XRCC4: variants seen among roughly 807,000 people sequenced by gnomAD.
XRCC4 encodes the protein DNA repair protein XRCC4.
XRCC4 carries 28 observed loss-of-function variants against 39.1 expected under a neutral mutation model. That is an observed-to-expected ratio of 0.72 (90% CI 0.53 to 0.98). The LOEUF is 0.98. Among genes scored for constraint, XRCC4 ranks in the 50% least tolerant of loss-of-function variants. The pLI, the probability that XRCC4 is intolerant of heterozygous loss-of-function variation, is 0.00. For synonymous variants in XRCC4, 123 were observed against 126.4 expected, an observed-to-expected ratio of 0.97 and a Z score of 0.18; for missense variants, 350 against 376.4, an observed-to-expected ratio of 0.93 and a Z score of 0.58.
At chr5:83,173,880 C>T (rs1189187190) in intron 3 of XRCC4, among the ~76,000 whole-genome samples, 2 of 152,158 alleles carry the variant, frequency 1.3e-5, no homozygotes, top group African/African-American at 2.4e-5. Context: ...GAGTTTAGAA[C>T]AAGTCTCTTA....
intron 3 of XRCC4, among the ~76,000 whole-genome samples, chr5:83,165,977 CT>C (rs1204506393): frequency 1.3e-5 from 2 of 151,540 alleles, no homozygotes; most frequent in Non-Finnish European, 2.9e-5. Context: ...CCTCCACCCC[CT>C]GGGTCCAAAC....
chr5:83,145,858 CTT>C (rs35476083), intron 3 of XRCC4, among the ~76,000 whole-genome samples: 14 of 136,386 alleles, frequency 1.0e-4, no homozygotes, highest in African/African-American at 3.7e-4. Flanking sequence ...GCAGTCAGGT[CTT>C]TTTTTTTTTT....
At chr5:83,247,725 T>C (rs1176070315) in intron 6 of XRCC4, among the ~76,000 whole-genome samples, 1 of 152,164 alleles carries the variant, frequency 6.6e-6, no homozygotes, top group Non-Finnish European at 1.5e-5. Context: ...TATACTGTGG[T>C]ATTTATTAAA....
At chr5:83,171,930 G>A (rs371215451) in intron 3 of XRCC4, among the ~76,000 whole-genome samples, 17 of 152,162 alleles carry the variant, frequency 1.1e-4, no homozygotes, top group African/African-American at 4.1e-4. Flanking sequence ...TTTCACTGAC[G>A]TATTGATTTT....
intron 3 of XRCC4, among the ~76,000 whole-genome samples, chr5:83,159,585 A>G (rs910796444): frequency 6.6e-6 from 1 of 152,228 alleles, no homozygotes; most frequent in Admixed American, 6.5e-5. Context: ...GGGGCCTCAC[A>G]TGACCTTGTT....
intron 7 of XRCC4, among the ~76,000 whole-genome samples, chr5:83,349,305 G>T (rs919135182): frequency 1.3e-5 from 2 of 152,150 alleles, no homozygotes; most frequent in Non-Finnish European, 2.9e-5. Context: ...TTCAGGTGGG[G>T]ACACAAAGCC....
chr5:83,241,412 G>C (rs28360207), intron 6 of XRCC4, among the ~76,000 whole-genome samples: 10,945 of 152,134 alleles, frequency 0.072, 469 homozygotes, highest in South Asian at 0.18. Context: ...ATCTTTTTGT[G>C]TAATGAATAT....
chr5:83,276,574 A>T (rs541138164), intron 7 of XRCC4, among the ~76,000 whole-genome samples: 39 of 151,250 alleles, frequency 2.6e-4, no homozygotes, highest in African/African-American at 9.4e-4. Context: ...TGCCCTGAAC[A>T]ATCTCAGGAT....
intron 6 of XRCC4, among the ~76,000 whole-genome samples, chr5:83,230,650 A>T (rs1340135201): frequency 6.6e-6 from 1 of 152,002 alleles, no homozygotes; most frequent in African/African-American, 2.4e-5. Flanking sequence ...ATATTCAAAA[A>T]CAAGTTTTTA....
chr5:83,298,497 T>G (rs1025245380), intron 7 of XRCC4, among the ~76,000 whole-genome samples: 7 of 151,964 alleles, frequency 4.6e-5, no homozygotes, highest in Non-Finnish European at 8.8e-5. Context: ...TCTCATGTTT[T>G]TATCTCAGTC....
At chr5:83,122,395 G>A (rs768551992) in intron 3 of XRCC4, among the ~76,000 whole-genome samples, 2 of 151,982 alleles carry the variant, frequency 1.3e-5, no homozygotes, top group Non-Finnish European at 2.9e-5. Flanking sequence ...TGATTGTCAC[G>A]GCCAGCAGCT....
At chr5:83,372,910 T>C in the XRCC4 span, among the ~76,000 whole-genome samples, 1 of 152,198 alleles carries the variant, frequency 6.6e-6, no homozygotes. Flanking sequence ...GGAATAAGCT[T>C]GTTTTATTCA....
intron 3 of XRCC4, among the ~76,000 whole-genome samples, chr5:83,168,471 A>G (rs1179836862): frequency 1.3e-5 from 2 of 152,332 alleles, no homozygotes; most frequent in African/African-American, 4.8e-5. Flanking sequence ...TATATTAAGC[A>G]TATGAGAAAA....
intron 3 of XRCC4, among the ~76,000 whole-genome samples, chr5:83,150,018 A>G (rs1347729400): frequency 6.6e-6 from 1 of 152,170 alleles, no homozygotes. Flanking sequence ...TTAAAAAATA[A>G]TAGAATAATA....
chr5:83,186,498 A>T (rs1750444998), intron 3 of XRCC4, among the ~76,000 whole-genome samples: 1 of 152,138 alleles, frequency 6.6e-6, no homozygotes, highest in Non-Finnish European at 1.5e-5. Context: ...TTTCTCTTGT[A>T]AGGACCATTG....
intron 6 of XRCC4, among the ~76,000 whole-genome samples, chr5:83,217,170 A>G (rs143982066): frequency 4.1e-4 from 63 of 152,066 alleles, no homozygotes; most frequent in African/African-American, 1.2e-3. Context: ...CCTGGCCAAC[A>G]TGGTGAAACC....
At chr5:83,179,863 A>G (rs1750130429) in intron 3 of XRCC4, among the ~76,000 whole-genome samples, 1 of 152,206 alleles carries the variant, frequency 6.6e-6, no homozygotes, top group Non-Finnish European at 1.5e-5. Context: ...ATCTTTAATT[A>G]ATAGAATATA....
At chr5:83,212,612 A>T (rs926135868) in intron 6 of XRCC4, among the ~76,000 whole-genome samples, 1 of 152,176 alleles carries the variant, frequency 6.6e-6, no homozygotes, top group Non-Finnish European at 1.5e-5. Flanking sequence ...CAAGCAACTC[A>T]GTAAACTTTA....
chr5:83,274,321 A>G (rs1472045122), intron 7 of XRCC4, among the ~76,000 whole-genome samples: 1 of 152,244 alleles, frequency 6.6e-6, no homozygotes, highest in African/African-American at 2.4e-5. Flanking sequence ...CTGAAATTCC[A>G]GAATAATTAC....
Sources: gnomAD v4.1 joint callset for allele counts (sites outside exome capture counted in the v4.1 genomes callset) on GRCh38, gnomAD v4.1.1 for gene constraint, MANE v1.5 for transcripts, NCBI Gene and HGNC (gene_info 2026-07-23, HGNC 2026-07-21) for gene names.